Variants in MBD5 observed in about 807,000 individuals in gnomAD.
MBD5 encodes the protein methyl-CpG binding domain protein 5, also known as methyl-CpG-binding domain protein 5.
A neutral mutation model predicts 117.3 loss-of-function variants in MBD5; 13 were observed. That is an observed-to-expected ratio of 0.11 (90% CI 0.07 to 0.18). The LOEUF (loss-of-function observed/expected upper bound fraction) is 0.18, where lower values mean the gene tolerates loss of function less well. Ranked by LOEUF, MBD5 falls within the 10% of genes least tolerant of loss-of-function variation. The pLI, the probability that MBD5 is intolerant of heterozygous loss-of-function variation, is 1.00. For missense variants in MBD5, 1,879 were observed against 2,093.8 expected (o/e 0.90, Z 2.00); for synonymous variants, 727 against 766.4 (o/e 0.95, Z 0.85).
At chr2:148,399,636 A>G (rs895548062) in intron 4 of MBD5, among the ~76,000 whole-genome samples, 19 of 152,094 alleles carry the variant, frequency 1.2e-4, no homozygotes, top group East Asian at 5.8e-4. Flanking sequence ...CTAATTGAAT[A>G]CCCTTTATTT....
At chr2:148,254,506 G>A (rs369025445) in intron 3 of MBD5, among the ~76,000 whole-genome samples, 7 of 152,044 alleles carry the variant, frequency 4.6e-5, no homozygotes, top group African/African-American at 1.7e-4. Context: ...ACCACCAGGG[G>A]GCTCATCACA....
chr2:148,251,968 C>A (rs1472426106), intron 3 of MBD5, among the ~76,000 whole-genome samples: 2 of 152,196 alleles, frequency 1.3e-5, no homozygotes, highest in East Asian at 3.9e-4. Context: ...TGATTCTCAG[C>A]CAAGTGTGGT....
chr2:148,207,753 C>T (rs1342000625), intron 2 of MBD5, among the ~76,000 whole-genome samples: 4 of 150,184 alleles, frequency 2.7e-5, no homozygotes, highest in Non-Finnish European at 4.4e-5. Flanking sequence ...TATATACCTG[C>T]GTTCATCACC....
At chr2:148,098,329 G>C (rs1197079644) in intron 1 of MBD5, among the ~76,000 whole-genome samples, 1 of 152,172 alleles carries the variant, frequency 6.6e-6, no homozygotes, top group African/African-American at 2.4e-5. Context: ...AGGGTTACAT[G>C]AGAGAAAGGG....
Position 148,239,578 on chromosome 2 carries a change from T to C in MBD5, c.-680+6183T>C, listed in dbSNP as rs138240387. Among the ~76,000 whole-genome samples, 1,408 of 152,220 alleles carry C rather than the reference T, an allele frequency of 9.2e-3. 18 individuals are homozygous for C. Among genetic ancestry groups the C allele is most frequent in the African/African-American group, 0.032 (1,348 of 41,526 alleles). On this transcript the variant is annotated intron_variant, in intron 3 of 13. Coordinates refer to ENST00000642680, the MANE Select transcript of MBD5 (RefSeq NM_001378120.1). The stretch of plus-strand genomic sequence containing the variant: ...TGGGTAAGAAATTAAGAAAAATTGT[T>C]GACATTTATGAGTAACGTTTATTGA...
intron 11 of MBD5, among the ~76,000 whole-genome samples, chr2:148,496,538 T>C (rs926790430): frequency 2.0e-5 from 3 of 152,218 alleles, no homozygotes; most frequent in Non-Finnish European, 4.4e-5. Context: ...TAATTTCAGA[T>C]AGGAAGCAGG....
intron 2 of MBD5, among the ~76,000 whole-genome samples, chr2:148,215,465 C>T (rs960245442): frequency 3.9e-5 from 6 of 152,108 alleles, no homozygotes; most frequent in African/African-American, 1.2e-4. Context: ...TCCACAGACT[C>T]CTTGTGGGCC....
At chr2:148,141,330 C>G (rs1317514144) in intron 1 of MBD5, among the ~76,000 whole-genome samples, 2 of 152,052 alleles carry the variant, frequency 1.3e-5, no homozygotes, top group African/African-American at 4.8e-5. Context: ...ACAAATAGGC[C>G]ATCTTATCTG....
chr2:148,436,573 TG>T (rs1706163229), intron 4 of MBD5, among the ~76,000 whole-genome samples: 1 of 151,990 alleles, frequency 6.6e-6, no homozygotes, highest in African/African-American at 2.4e-5. Context: ...GGTTTCTCCA[TG>T]TTGGTTAGGC....
intron 1 of MBD5, among the ~76,000 whole-genome samples, chr2:148,060,765 A>C (rs944173043): frequency 3.3e-5 from 5 of 152,106 alleles, no homozygotes; most frequent in Admixed American, 2.0e-4. Context: ...TAAATGCCTT[A>C]CTTTAGTCAA....
At chr2:148,483,087 T>C (rs1681210735) in intron 8 of MBD5, 23 bp from the exon 9 acceptor site, 3 of 1,491,108 alleles carry the variant, frequency 2.0e-6, no homozygotes, top group Non-Finnish European at 2.7e-6. Flanking sequence ...CTGGGTTTTG[T>C]GTTTTTTTTT....
In MBD5 at chr2:148,463,899, C is replaced by A; in HGVS notation, c.377C>A (p.Thr126Asn). ...MEAPHPSLVLTSPGGGTNATP... is the reference protein window; with the variant it reads ...MEAPHPSLVLNSPGGGTNATP... Reference sequence around the variant, plus strand: ...GCCCCACATCCTTCTCTGGTGCTCACCAGTCCCGGAGGAGGAACAAGTATG... The same window carrying A: ...GCCCCACATCCTTCTCTGGTGCTCAACAGTCCCGGAGGAGGAACAAGTATG... Residue 126 changes from threonine to asparagine, a missense_variant, in exon 7 of 14, where the codon ACC becomes AAC. Physicochemically the swap from Thr to Asn is moderately conservative, Grantham distance 65. Transcript: ENST00000642680. The A allele has an allele frequency of 6.2e-7, 1 of 1,613,556 alleles. No homozygotes were observed. The highest frequency in any genetic ancestry group is 8.5e-7 in the Non-Finnish European group (1 of 1,179,642).
chr2:148,370,777 C>T (rs987316605), intron 4 of MBD5, among the ~76,000 whole-genome samples: 1 of 152,286 alleles, frequency 6.6e-6, no homozygotes, highest in South Asian at 2.1e-4. Context: ...GCATGAGTCT[C>T]CATGCTGGCT....
At chr2:148,479,863 C>T (rs949570041) in intron 8 of MBD5, among the ~76,000 whole-genome samples, 2 of 151,850 alleles carry the variant, frequency 1.3e-5, no homozygotes, top group Non-Finnish European at 2.9e-5. Context: ...TTATTATACA[C>T]CTGTTATACC....
At chr2:148,423,368 A>C (rs1261997334) in intron 4 of MBD5, among the ~76,000 whole-genome samples, 1 of 152,208 alleles carries the variant, frequency 6.6e-6, no homozygotes, top group African/African-American at 2.4e-5. Flanking sequence ...TTACATTTCA[A>C]TAAAATATTT....
intron 3 of MBD5, among the ~76,000 whole-genome samples, chr2:148,291,578 G>A (rs1701501648): frequency 6.6e-6 from 1 of 151,898 alleles, no homozygotes; most frequent in Non-Finnish European, 1.5e-5. Context: ...TTTGTATATT[G>A]ATCTTGTATC....
intron 4 of MBD5, among the ~76,000 whole-genome samples, chr2:148,383,686 A>G (rs1055404563): frequency 3.9e-5 from 6 of 152,130 alleles, no homozygotes; most frequent in Non-Finnish European, 8.8e-5. Flanking sequence ...AATATCCTTG[A>G]TGAACATTGA....
At chr2:148,183,980 T>C (rs1698590629) in intron 2 of MBD5, among the ~76,000 whole-genome samples, 1 of 152,006 alleles carries the variant, frequency 6.6e-6, no homozygotes. Context: ...ATGATGTTTT[T>C]GGCCTGTTCA....
At chr2:148,047,155 C>G (rs114007165) in intron 1 of MBD5, among the ~76,000 whole-genome samples, 1 of 152,164 alleles carries the variant, frequency 6.6e-6, no homozygotes, top group Non-Finnish European at 1.5e-5. Flanking sequence ...ATCATCCTGG[C>G]CATCCTCAAT....
Sources: gnomAD v4.1 joint callset for allele counts (sites outside exome capture counted in the v4.1 genomes callset) on GRCh38, gnomAD v4.1.1 for gene constraint, MANE v1.5 for transcripts, NCBI Gene and HGNC (gene_info 2026-07-23, HGNC 2026-07-21) for gene names.